FAM114A1: variants seen among roughly 807,000 people sequenced by gnomAD.
FAM114A1 encodes the protein protein NOXP20.
Under a neutral mutation model 64.3 loss-of-function variants are expected in FAM114A1, and 62 were observed. That is an observed-to-expected ratio of 0.96 (90% CI 0.79 to 1.19). FAM114A1 has a LOEUF of 1.19. Ranked by LOEUF, FAM114A1 falls within the 50% of genes most tolerant of loss-of-function variation. FAM114A1 has a pLI of 0.00. For missense variants in FAM114A1, 645 were observed against 676.3 expected, an observed-to-expected ratio of 0.95 and a Z score of 0.51; for synonymous variants, 254 against 251.1, an observed-to-expected ratio of 1.01 and a Z score of -0.11.
rs1718928383 is a variant in FAM114A1 at position 38,915,188 on chromosome 4, G to A, written c.945+115G>A. 18 of 1,314,678 alleles carry A rather than the reference G, an allele frequency of 1.4e-5. No homozygotes were observed. In the South Asian group the frequency reaches 2.2e-4, roughly 16 times the overall value. The allele number at this position is 1,314,678 out of a possible 1,614,324, so 81.4% of individuals were successfully genotyped here. A position where few individuals can be genotyped will look rare whatever the true frequency, so the allele number is the denominator to read the frequency against. Reference sequence around the variant, plus strand: ...TCATTTTTAGAGCCTCATTATTATTGTGCTGAGGTCAGAAATACTGTACAA... The same window carrying A: ...TCATTTTTAGAGCCTCATTATTATTATGCTGAGGTCAGAAATACTGTACAA... On this transcript the variant is annotated intron_variant, in intron 8 of 14. Coordinates refer to ENST00000358869, the MANE Select transcript of FAM114A1 (RefSeq NM_138389.4).
chr4:38,929,086 G>A (rs1720401868), intron 9 of FAM114A1, 156 bp from the exon 10 acceptor site: 5 of 624,964 alleles, frequency 8.0e-6, no homozygotes, highest in South Asian at 1.7e-5. Flanking sequence ...CCATGCTCAC[G>A]AATGGAAGAC....
chr4:38,941,349 T>C (rs1721565673), intron 14 of FAM114A1, among the ~76,000 whole-genome samples: 1 of 152,208 alleles, frequency 6.6e-6, no homozygotes, highest in African/African-American at 2.4e-5. Context: ...CAATGAGGGA[T>C]TATTGCTCAT....
intron 4 of FAM114A1, 75 bp downstream of exon 4, chr4:38,891,905 A>G (rs796404934): frequency 1.5e-6 from 2 of 1,335,210 alleles, no homozygotes; most frequent in Non-Finnish European, 2.0e-6. Flanking sequence ...ATCGTACTGT[A>G]TACTAATAGA....
chr4:38,875,630 C>T (rs749055634), intron 2 of FAM114A1, among the ~76,000 whole-genome samples: 5 of 152,082 alleles, frequency 3.3e-5, no homozygotes, highest in Non-Finnish European at 7.4e-5. Context: ...AGTTTGTCTT[C>T]CTCTCTTCCT....
chr4:38,882,312 C>G (rs1271257429), intron 3 of FAM114A1, among the ~76,000 whole-genome samples: 3 of 110,724 alleles, frequency 2.7e-5, no homozygotes, highest in African/African-American at 1.1e-4. Context: ...GAGCGAGACT[C>G]CGTCTCAAAA....
intron 2 of FAM114A1, 42 bp from the exon 3 acceptor site, chr4:38,878,029 C>T: frequency 6.9e-7 from 1 of 1,450,320 alleles, no homozygotes; most frequent in Non-Finnish European, 9.4e-7. Context: ...TGAAGCTTAA[C>T]AATTCGATGA....
At position 38,943,732 on chromosome 4, in the gene FAM114A1, C is replaced by T; in HGVS notation, c.*175C>T. 1 of 507,692 alleles carries T rather than the reference C, an allele frequency of 2.0e-6. No individual in the cohort carries two copies. Among genetic ancestry groups the T allele is most frequent in the Middle Eastern group, 5.3e-4 (1 of 1,888 alleles). The allele number at this position is 507,692 out of a possible 1,614,324, so 31.4% of individuals were successfully genotyped here. A position where few individuals can be genotyped will look rare whatever the true frequency, so the allele number is the denominator to read the frequency against. ...ATTTAGAGAGAGTTATCATTTCTCT[C>T]AATGTGTATAATTGTTTTTACAAAC... On this transcript the variant is annotated 3_prime_UTR_variant, in exon 15 of 15. Coordinates refer to ENST00000358869, the MANE Select transcript of FAM114A1 (RefSeq NM_138389.4).
intron 3 of FAM114A1, among the ~76,000 whole-genome samples, chr4:38,882,552 C>G (rs916523969): frequency 6.6e-6 from 1 of 151,972 alleles, no homozygotes; most frequent in African/African-American, 2.4e-5. Context: ...TCACTTGAAC[C>G]CGGGAGGCGG....
intron 13 of FAM114A1, among the ~76,000 whole-genome samples, chr4:38,940,002 C>T (rs1431982835): frequency 6.6e-6 from 1 of 151,556 alleles, no homozygotes; most frequent in African/African-American, 2.4e-5. Context: ...AATTCTCCTG[C>T]CTTAGCCTCC....
chr4:38,894,097 A>C (rs1161337251), intron 4 of FAM114A1, among the ~76,000 whole-genome samples: 1 of 138,496 alleles, frequency 7.2e-6, no homozygotes, highest in Non-Finnish European at 1.5e-5. Context: ...CAGGAGGTGG[A>C]GGTTGCAGTG....
intron 9 of FAM114A1, 139 bp from the exon 10 acceptor site, chr4:38,929,103 C>G (rs974556640): frequency 1.5e-6 from 1 of 664,870 alleles, no homozygotes. Flanking sequence ...AGACATTCAT[C>G]TTTGCCCAGC....
intron 14 of FAM114A1, among the ~76,000 whole-genome samples, chr4:38,942,051 G>T (rs893552285): frequency 6.6e-6 from 1 of 152,122 alleles, no homozygotes; most frequent in Non-Finnish European, 1.5e-5. Flanking sequence ...CTTGTGCAGA[G>T]AAACTCCCTG....
chr4:38,927,880 C>T lies in FAM114A1; in HGVS notation c.1070-1362C>T, dbSNP rs556287983. ...TGTATTTTTAGTAGAGACGGGGTTT[C>T]ACCATCTTGGCCAGGCTGGTCTCAA... On this transcript the variant is annotated intron_variant, in intron 9 of 14. Coordinates refer to ENST00000358869, the MANE Select transcript of FAM114A1 (RefSeq NM_138389.4). Among the ~76,000 whole-genome samples, 288 of 152,242 alleles carry T rather than the reference C, an allele frequency of 1.9e-3. 1 individual carries two copies. The highest frequency in any genetic ancestry group is 6.7e-3 in the African/African-American group (279 of 41,554).
intron 3 of FAM114A1, among the ~76,000 whole-genome samples, chr4:38,886,921 C>T (rs1715868708): frequency 7.0e-6 from 1 of 143,812 alleles, no homozygotes; most frequent in Admixed American, 6.9e-5. Flanking sequence ...GAGCGAGACT[C>T]CGTCTCAAAA....
At chr4:38,931,702 C>G in intron 11 of FAM114A1, 90 bp downstream of exon 11, 1 of 1,336,648 alleles carries the variant, frequency 7.5e-7, no homozygotes, top group Non-Finnish European at 1.0e-6. Context: ...GAGGCCATTT[C>G]TTTTTCATTT....
chr4:38,927,838 C>T (rs1476502015), intron 9 of FAM114A1, among the ~76,000 whole-genome samples: 9 of 152,278 alleles, frequency 5.9e-5, no homozygotes, highest in South Asian at 4.2e-4. Flanking sequence ...CGCCCGCCTC[C>T]GCGCCCGGTT....
chr4:38,911,980 G>A (rs1293150832), intron 7 of FAM114A1, among the ~76,000 whole-genome samples: 4 of 149,438 alleles, frequency 2.7e-5, no homozygotes. Context: ...CCCTGCCTCA[G>A]CCTCCTGAGT....
intron 3 of FAM114A1, among the ~76,000 whole-genome samples, chr4:38,881,258 A>G (rs1172576514): frequency 6.6e-6 from 1 of 152,156 alleles, no homozygotes; most frequent in Admixed American, 6.5e-5. Flanking sequence ...TTTTGGTCAA[A>G]TGGAATGAAT....
intron 2 of FAM114A1, among the ~76,000 whole-genome samples, chr4:38,873,448 C>A (rs1714286499): frequency 6.6e-6 from 1 of 152,108 alleles, no homozygotes; most frequent in Non-Finnish European, 1.5e-5. Context: ...CACAGGAAGC[C>A]ATGCCAAGTA....
Sources: allele counts gnomAD v4.1 joint callset (sites outside exome capture counted in the v4.1 genomes callset), GRCh38; gene constraint gnomAD v4.1.1; transcripts MANE v1.5; gene names NCBI Gene and HGNC (gene_info 2026-07-23, HGNC 2026-07-21).